Variants in GPHN observed in about 807,000 individuals in gnomAD.
GPHN encodes the protein gephyrin.
In GPHN, 17 loss-of-function variants were observed where a neutral mutation model predicts 95.5. That is an observed-to-expected ratio of 0.18 (90% CI 0.12 to 0.27). GPHN has a LOEUF of 0.27. Among genes scored for constraint, GPHN ranks in the 10% least tolerant of loss-of-function variants. GPHN has a pLI of 1.00. For synonymous variants in GPHN, 320 were observed against 322.5 expected, an observed-to-expected ratio of 0.99 and a Z score of 0.08; for missense variants, 660 against 978.1, an observed-to-expected ratio of 0.67 and a Z score of 4.34.
chr14:67,329,105 C>T, the GPHN span, among the ~76,000 whole-genome samples: 1 of 152,166 alleles, frequency 6.6e-6, no homozygotes, highest in Non-Finnish European at 1.5e-5. Context: ...TCTTCCCATC[C>T]ATGAGCATGG....
intron 17 of GPHN, among the ~76,000 whole-genome samples, chr14:67,123,321 A>G (rs1316745858): frequency 1.3e-5 from 2 of 152,232 alleles, no homozygotes; most frequent in African/African-American, 4.8e-5. Context: ...TTCACAAGGT[A>G]GGATCTGACA....
the GPHN span, among the ~76,000 whole-genome samples, chr14:67,553,180 G>T: frequency 6.6e-6 from 1 of 152,152 alleles, no homozygotes; most frequent in Non-Finnish European, 1.5e-5. Context: ...TCACAAATAT[G>T]AATTATCATT....
At chr14:66,835,203 C>T (rs2061745065) in intron 4 of GPHN, among the ~76,000 whole-genome samples, 1 of 148,364 alleles carries the variant, frequency 6.7e-6, no homozygotes, top group Non-Finnish European at 1.5e-5. Flanking sequence ...TTTCAAAAAA[C>T]CAGCTCCTGG....
intron 5 of GPHN, among the ~76,000 whole-genome samples, chr14:66,881,692 T>G (rs975397164): frequency 3.9e-5 from 6 of 151,920 alleles, no homozygotes; most frequent in African/African-American, 1.4e-4. Context: ...CACTTTTTGT[T>G]ATATCAAAAG....
intron 1 of GPHN, among the ~76,000 whole-genome samples, chr14:66,572,485 TGTGTG>T (rs2060735178): frequency 1.3e-5 from 1 of 74,934 alleles, no homozygotes; most frequent in Admixed American, 1.8e-4. Flanking sequence ...TATTCCTCTG[TGTGTG>T]TGTGTGTGTG....
At chr14:67,387,228 A>AACTT in the GPHN span, 3 of 1,180,532 alleles carry the variant, frequency 2.5e-6, no homozygotes, top group Non-Finnish European at 3.6e-6. Context: ...AGCAGTACAA[A>AACTT]ACTTACAAAG....
chr14:66,896,064 G>C (rs2064833774), intron 5 of GPHN, among the ~76,000 whole-genome samples: 2 of 152,026 alleles, frequency 1.3e-5, no homozygotes, highest in Admixed American at 6.6e-5. Context: ...GGTAGAAGGG[G>C]CAAACTAGCT....
chr14:67,237,999 GA>G, the GPHN span, among the ~76,000 whole-genome samples: 4 of 151,988 alleles, frequency 2.6e-5, no homozygotes, highest in African/African-American at 7.3e-5. Flanking sequence ...AAACTAGGGG[GA>G]AAAAAGTAGT....
the GPHN span, among the ~76,000 whole-genome samples, chr14:67,544,277 C>T: frequency 1.3e-5 from 2 of 152,074 alleles, no homozygotes; most frequent in African/African-American, 4.8e-5. Context: ...CCCTGAGAAC[C>T]TGACGATAAC....
At chr14:66,786,887 C>A (rs568354101) in intron 3 of GPHN, among the ~76,000 whole-genome samples, 21 of 152,146 alleles carry the variant, frequency 1.4e-4, no homozygotes, top group South Asian at 2.1e-4. Context: ...TGATTAAGAG[C>A]ATCTAGAGAA....
chr14:67,473,546 G>A, the GPHN span: 126 of 1,613,756 alleles, frequency 7.8e-5, no homozygotes, highest in Non-Finnish European at 1.1e-4. This position sits in a 1 kb window ranked among gnomAD's most constrained non-coding sequence, Gnocchi z 6.5. Context: ...TGAGGGCCCC[G>A]CAGAACCAGG....
intron 1 of GPHN, among the ~76,000 whole-genome samples, chr14:66,629,518 A>T (rs2063702457): frequency 6.6e-6 from 1 of 152,072 alleles, no homozygotes; most frequent in Non-Finnish European, 1.5e-5. Flanking sequence ...CTTTTTTTTA[A>T]TAAGTAGGGG....
the GPHN span, among the ~76,000 whole-genome samples, chr14:67,329,025 G>A: frequency 2.0e-5 from 3 of 152,100 alleles, no homozygotes; most frequent in Non-Finnish European, 4.4e-5. Context: ...AAAGTCATTG[G>A]TAGCTTGATG....
the GPHN span, among the ~76,000 whole-genome samples, chr14:67,464,086 G>A: frequency 2.6e-5 from 4 of 151,992 alleles, no homozygotes; most frequent in Non-Finnish European, 4.4e-5. Context: ...GTGTGTGTGT[G>A]TGTGTATGTG....
At chr14:67,161,083 A>G (rs1453721215) in intron 19 of GPHN, among the ~76,000 whole-genome samples, 1 of 152,200 alleles carries the variant, frequency 6.6e-6, no homozygotes, top group East Asian at 1.9e-4. Context: ...CTTTGAACTC[A>G]GGAGTTCCAG....
intron 18 of GPHN, among the ~76,000 whole-genome samples, chr14:67,151,170 A>G (rs1182482472): frequency 6.6e-6 from 1 of 152,228 alleles, no homozygotes; most frequent in Non-Finnish European, 1.5e-5. Context: ...TGTATTACAG[A>G]CACGTGAACA....
intron 6 of GPHN, among the ~76,000 whole-genome samples, chr14:66,919,884 G>T (rs1596371613): frequency 6.6e-6 from 1 of 152,088 alleles, no homozygotes; most frequent in Middle Eastern, 3.4e-3. Context: ...GGCCAACATG[G>T]TGAAACCCCA....
At chr14:66,794,106 C>T (rs1362683588) in intron 3 of GPHN, among the ~76,000 whole-genome samples, 1 of 152,056 alleles carries the variant, frequency 6.6e-6, no homozygotes, top group African/African-American at 2.4e-5. Context: ...ATATATTATG[C>T]TGATATAGTC....
intron 9 of GPHN, among the ~76,000 whole-genome samples, chr14:67,000,040 C>T (rs2153609954): frequency 6.6e-6 from 1 of 151,796 alleles, no homozygotes; most frequent in Middle Eastern, 3.4e-3. Context: ...AATTTATTTC[C>T]TGTTGACTAG....
Sources: gnomAD v4.1 joint callset for allele counts (sites outside exome capture counted in the v4.1 genomes callset) on GRCh38, gnomAD v4.1.1 for gene constraint, Gnocchi (gnomAD v3.1) non-coding constraint, MANE v1.5 for transcripts, NCBI Gene and HGNC (gene_info 2026-07-23, HGNC 2026-07-21) for gene names.